Variants in TSPAN12 observed in about 807,000 individuals in gnomAD.
The protein encoded by TSPAN12 is tetraspanin 12.
A neutral mutation model predicts 39.2 loss-of-function variants in TSPAN12; 19 were observed. The ratio of observed to expected loss-of-function variants is 0.49; its 90% confidence interval spans 0.34 to 0.71. TSPAN12 has a LOEUF of 0.71. TSPAN12 is among the 30% of genes least tolerant of loss of function. The pLI, the probability that TSPAN12 is intolerant of heterozygous loss-of-function variation, is 0.01. For missense variants in TSPAN12, 314 were observed against 359.9 expected (o/e 0.87, Z 1.03); for synonymous variants, 119 against 124.8 (o/e 0.95, Z 0.31).
chr7:120,852,855 A>AG (rs969754634), intron 2 of TSPAN12, among the ~76,000 whole-genome samples: 66 of 150,080 alleles, frequency 4.4e-4, no homozygotes, highest in African/African-American at 9.1e-4. Context: ...ATCTAAAAAA[A>AG]AGAGAGAGAG....
intron 7 of TSPAN12, among the ~76,000 whole-genome samples, chr7:120,792,243 C>T (rs984668143): frequency 4.6e-5 from 7 of 152,176 alleles, no homozygotes; most frequent in Non-Finnish European, 7.3e-5. Context: ...GGCGCCTCTC[C>T]CGGAGGATTG....
At chr7:120,800,754 GT>G (rs71170213) in intron 7 of TSPAN12, among the ~76,000 whole-genome samples, 11 of 127,612 alleles carry the variant, frequency 8.6e-5, no homozygotes, top group East Asian at 4.8e-4. Context: ...GTTTTTTTTT[GT>G]TTTTTTTTTT....
intron 7 of TSPAN12, 115 bp downstream of exon 7, chr7:120,806,434 T>G: frequency 4.3e-6 from 5 of 1,160,406 alleles, no homozygotes; most frequent in Non-Finnish European, 6.2e-6. Context: ...AGAAAAATTT[T>G]AAGGCCTTTT....
At chr7:120,840,676 T>C (rs1204933645) in intron 2 of TSPAN12, among the ~76,000 whole-genome samples, 5 of 152,228 alleles carry the variant, frequency 3.3e-5, no homozygotes, top group Admixed American at 3.3e-4. Context: ...CAAAATTCTC[T>C]GGTCTTTGTA....
At chr7:120,806,787 C>G in intron 6 of TSPAN12, 95 bp from the exon 7 acceptor site, 1 of 1,481,434 alleles carries the variant, frequency 6.8e-7, no homozygotes, top group Non-Finnish European at 9.3e-7. Context: ...TTTTTGTACC[C>G]AGAGCTATAT....
intron 2 of TSPAN12, among the ~76,000 whole-genome samples, chr7:120,853,471 G>GATATATATATAT (rs375897054): frequency 8.4e-4 from 116 of 138,132 alleles, no homozygotes; most frequent in African/African-American, 2.1e-3. Context: ...AAGAAATGCA[G>GATATATATATAT]ATATATATAT....
chr7:120,841,725 C>T (rs958145577), intron 2 of TSPAN12, among the ~76,000 whole-genome samples: 9 of 151,518 alleles, frequency 5.9e-5, no homozygotes, highest in African/African-American at 1.2e-4. Flanking sequence ...AGAAAAAAAC[C>T]GAAACATAAT....
At chr7:120,798,340 C>T (rs1793673244) in intron 7 of TSPAN12, among the ~76,000 whole-genome samples, 1 of 152,130 alleles carries the variant, frequency 6.6e-6, no homozygotes, top group South Asian at 2.1e-4. Flanking sequence ...ATCTCATCAG[C>T]AGCTACTTGC....
At chr7:120,835,796 GA>G (rs1162592306) in intron 4 of TSPAN12, among the ~76,000 whole-genome samples, 2 of 152,228 alleles carry the variant, frequency 1.3e-5, no homozygotes, top group African/African-American at 2.4e-5. Flanking sequence ...TAGCATTTCA[GA>G]TAAGTCTTCA....
chr7:120,799,467 TAATTATTTTTATAATTA>T (rs1234923835), intron 7 of TSPAN12, among the ~76,000 whole-genome samples: 5 of 131,462 alleles, frequency 3.8e-5, no homozygotes, highest in African/African-American at 1.4e-4. Flanking sequence ...TTTAATTACA[TAATTATTTTTATAATTA>T]TATATAATTA....
chr7:120,801,680 G>A (rs1191386537), intron 7 of TSPAN12, among the ~76,000 whole-genome samples: 1 of 152,152 alleles, frequency 6.6e-6, no homozygotes. Context: ...TTGAAGCAGG[G>A]CCTATTGTGA....
rs1324064418 is a variant in TSPAN12 at position 120,797,825 on chromosome 7, T to C, written c.612+8724A>G. ...CCTCTCCATATTAAATGCCACAACC[T>C]GAATTCCAGCCCCTACCATCACATG... On this transcript the variant is annotated intron_variant, in intron 7 of 7. Transcript: ENST00000222747. Among the ~76,000 whole-genome samples the C allele has an allele frequency of 2.6e-5, 4 of 152,328 alleles. No homozygotes were observed. In the East Asian group the frequency reaches 7.7e-4, roughly 29 times the overall value.
At chr7:120,791,854 A>G (rs1003874668) in intron 7 of TSPAN12, among the ~76,000 whole-genome samples, 1 of 152,142 alleles carries the variant, frequency 6.6e-6, no homozygotes. Flanking sequence ...GGGTCCTTGG[A>G]AGTCATGAAT....
In TSPAN12 at chr7:120,799,479, T is replaced by A. The variant is rs1258755163; in HGVS notation, c.612+7070A>T. Reference sequence around the variant, plus strand: ...TAATTTAATTACATAATTATTTTTATAATTATATATAATTATTTTTAATTA... The same window carrying A: ...TAATTTAATTACATAATTATTTTTAAAATTATATATAATTATTTTTAATTA... On this transcript the variant is annotated intron_variant, in intron 7 of 7. Transcript: ENST00000222747. Among the ~76,000 whole-genome samples the A allele has an allele frequency of 1.5e-4, 19 of 130,562 alleles. 1 individual carries two copies. The highest frequency in any genetic ancestry group is 6.5e-4 in the South Asian group (3 of 4,616). The allele number at this position is 130,562 out of a possible 152,430, so 85.7% of individuals were successfully genotyped here.
intron 7 of TSPAN12, among the ~76,000 whole-genome samples, chr7:120,794,580 A>G (rs1793595259): frequency 6.6e-6 from 1 of 152,226 alleles, no homozygotes; most frequent in African/African-American, 2.4e-5. Context: ...CCAGGGGCAG[A>G]TACCATTATC....
intron 4 of TSPAN12, among the ~76,000 whole-genome samples, chr7:120,818,484 T>C (rs756848028): frequency 2.1e-4 from 32 of 152,066 alleles, no homozygotes; most frequent in Admixed American, 3.9e-4. Context: ...ACTTAAAGTT[T>C]CTTTGTTCAT....
Position 120,856,780 on chromosome 7 carries a change from G to C in TSPAN12, c.-17C>G, listed in dbSNP as rs765576093. 6.2e-7 allele frequency: 1 copy of C among 1,613,966 alleles called. No homozygotes were observed. Among genetic ancestry groups the C allele is most frequent in the Non-Finnish European group, 8.5e-7 (1 of 1,179,970 alleles). On this transcript the variant is annotated 5_prime_UTR_variant, in exon 2 of 8. Transcript: ENST00000222747. Reference sequence around the variant, plus strand: ...TCTGGCCATTGTGAGCCCCGTAAGGGAGAAGCCCCATCCTTTCACCACATC... The same window carrying C: ...TCTGGCCATTGTGAGCCCCGTAAGGCAGAAGCCCCATCCTTTCACCACATC...
intron 7 of TSPAN12, among the ~76,000 whole-genome samples, chr7:120,803,723 A>G (rs978242249): frequency 7.2e-5 from 11 of 152,218 alleles, no homozygotes; most frequent in Non-Finnish European, 1.6e-4. Flanking sequence ...TCAGATAAAA[A>G]TATGAACAAA....
At chr7:120,849,321 T>A (rs773557531) in intron 2 of TSPAN12, among the ~76,000 whole-genome samples, 83 of 152,344 alleles carry the variant, frequency 5.4e-4, no homozygotes, top group Non-Finnish European at 1.0e-3. Flanking sequence ...TTTGCTTGCA[T>A]CTAATTATAT....
Sources: gnomAD v4.1 joint callset for allele counts (sites outside exome capture counted in the v4.1 genomes callset) on GRCh38, gnomAD v4.1.1 for gene constraint, MANE v1.5 for transcripts, NCBI Gene and HGNC (gene_info 2026-07-23, HGNC 2026-07-21) for gene names.